The following VWA8 variants were observed in gnomAD, a reference collection of about 807,000 sequenced individuals.
VWA8 encodes von Willebrand factor A domain containing 8, also known as von Willebrand factor A domain-containing protein 8.
VWA8 carries 221 observed loss-of-function variants against 241.5 expected under a neutral mutation model. The observed-to-expected ratio is 0.91, with a 90% confidence interval of 0.82 to 1.02. The LOEUF (loss-of-function observed/expected upper bound fraction) is 1.02, where lower values mean the gene tolerates loss of function less well. Among genes scored for constraint, VWA8 ranks in the 50% least tolerant of loss-of-function variants. The probability of loss-of-function intolerance (pLI) is 0.00; values close to 1 mark genes in which losing one functional copy is unlikely to be tolerated. For synonymous variants in VWA8, 852 were observed against 827.1 expected (o/e 1.03, Z -0.52); for missense variants, 2,322 against 2,328.7 (o/e 1.00, Z 0.06).
chr13:41,842,544 T>C (rs1872105937), intron 12 of VWA8, among the ~76,000 whole-genome samples: 1 of 152,328 alleles, frequency 6.6e-6, no homozygotes, highest in South Asian at 2.1e-4. Flanking sequence ...ATGATCTGCT[T>C]TAGTTAAAGA....
intron 23 of VWA8, among the ~76,000 whole-genome samples, chr13:41,729,157 T>C (rs571563295): frequency 6.6e-6 from 1 of 152,048 alleles, no homozygotes; most frequent in Non-Finnish European, 1.5e-5. Context: ...TATACACACG[T>C]ATTCACCACA....
chr13:41,583,265 G>A (rs897965171), intron 42 of VWA8, among the ~76,000 whole-genome samples: 13 of 152,134 alleles, frequency 8.5e-5, no homozygotes, highest in Non-Finnish European at 1.8e-4. Context: ...ATGGAGAGAA[G>A]GCCTGTTAGG....
At chr13:41,608,351 C>T (rs1166295274) in intron 39 of VWA8, among the ~76,000 whole-genome samples, 2 of 152,118 alleles carry the variant, frequency 1.3e-5, no homozygotes, top group African/African-American at 2.4e-5. Context: ...ATTTTAGCCT[C>T]TGGATCAAAT....
chr13:41,853,649 T>C (rs1233312872), intron 12 of VWA8, among the ~76,000 whole-genome samples: 1 of 152,166 alleles, frequency 6.6e-6, no homozygotes. Flanking sequence ...TTTTAAGTTA[T>C]TCAGTTTGTT....
At chr13:41,632,800 A>G (rs1013923420) in intron 37 of VWA8, among the ~76,000 whole-genome samples, 7 of 152,196 alleles carry the variant, frequency 4.6e-5, no homozygotes, top group Non-Finnish European at 8.8e-5. Context: ...CCCAATAATA[A>G]CAATCTTCCT....
At chr13:41,830,905 G>T (rs1871424536) in intron 13 of VWA8, among the ~76,000 whole-genome samples, 1 of 152,032 alleles carries the variant, frequency 6.6e-6, no homozygotes, top group Non-Finnish European at 1.5e-5. Flanking sequence ...GAAAAGAGGA[G>T]GAGGAAGGAG....
intron 14 of VWA8, among the ~76,000 whole-genome samples, chr13:41,824,210 G>A (rs1477472911): frequency 6.6e-6 from 1 of 152,206 alleles, no homozygotes; most frequent in Non-Finnish European, 1.5e-5. Context: ...AATAGCAGAA[G>A]TTTGCTGTGC....
chr13:41,869,182 T>C (rs1401714865), intron 9 of VWA8, among the ~76,000 whole-genome samples: 1 of 152,194 alleles, frequency 6.6e-6, no homozygotes, highest in Non-Finnish European at 1.5e-5. Context: ...TCGAAGTTAA[T>C]GTGTTACCTG....
intron 38 of VWA8, 138 bp downstream of exon 38, chr13:41,614,838 A>G (rs2139662946): frequency 1.2e-6 from 1 of 843,626 alleles, no homozygotes; most frequent in East Asian, 2.7e-5. Context: ...GCAGAGGGCA[A>G]GACAACAATC....
intron 17 of VWA8, among the ~76,000 whole-genome samples, chr13:41,809,642 G>A (rs1304243647): frequency 6.6e-6 from 1 of 152,092 alleles, no homozygotes; most frequent in Non-Finnish European, 1.5e-5. Context: ...CTCAAACTAT[G>A]AAACTACTAA....
intron 2 of VWA8, among the ~76,000 whole-genome samples, chr13:41,930,203 G>A (rs932044221): frequency 6.6e-6 from 1 of 152,128 alleles, no homozygotes. Flanking sequence ...GTGTTAGCAC[G>A]GCTATTATCA....
At chr13:41,585,066 G>C (rs17594432) in intron 42 of VWA8, among the ~76,000 whole-genome samples, 25,215 of 151,276 alleles carry the variant, frequency 0.17, 2,243 homozygotes, top group South Asian at 0.27. Flanking sequence ...GTAACAGTTT[G>C]GTTTGTAACT....
intron 20 of VWA8, among the ~76,000 whole-genome samples, chr13:41,776,987 G>C (rs1422631586): frequency 6.6e-6 from 1 of 152,112 alleles, no homozygotes; most frequent in Non-Finnish European, 1.5e-5. Context: ...AACTTTAGAA[G>C]CTTTGTTACC....
chr13:41,925,078 C>T (rs1337237727), intron 2 of VWA8, among the ~76,000 whole-genome samples: 2 of 152,068 alleles, frequency 1.3e-5, no homozygotes, highest in South Asian at 2.1e-4. Context: ...CTGTAGAAAC[C>T]ATGCAGGCCA....
chr13:41,890,162 T>C (rs1021536503), intron 5 of VWA8, among the ~76,000 whole-genome samples: 3 of 152,272 alleles, frequency 2.0e-5, no homozygotes, highest in Non-Finnish European at 4.4e-5. Context: ...CTTCTGGCCC[T>C]GCCGGCCATG....
chr13:41,881,011 T>G (rs1490208819), intron 9 of VWA8, among the ~76,000 whole-genome samples: 1 of 152,184 alleles, frequency 6.6e-6, no homozygotes, highest in African/African-American at 2.4e-5. Flanking sequence ...TCCTTCTAGA[T>G]TCACAAGTAG....
At chr13:41,668,151 T>C (rs2137796468) in intron 37 of VWA8, among the ~76,000 whole-genome samples, 1 of 152,324 alleles carries the variant, frequency 6.6e-6, no homozygotes, top group South Asian at 2.1e-4. Flanking sequence ...TCCTTTGCTA[T>C]GATGCAGAGG....
In VWA8 at chr13:41,787,535, G is replaced by A. The variant is rs1869256372; in HGVS notation, c.2072C>T (p.Pro691Leu). ...TTCTAATGCTGACCTAGCAAGACTG[G>A]GTAAAAACCTGGAGGATGAAGAGGG... is the stretch of plus-strand genomic sequence containing the variant. ...VTKACLSRFL[P>L]SLARSALEKN... Residue 691 changes from proline to leucine, a missense_variant, in exon 18 of 45, where the codon CCC (proline) becomes CTC (leucine). Pro to Leu is a moderately conservative substitution (Grantham distance 98). Coordinates refer to ENST00000379310, the MANE Select transcript of VWA8 (RefSeq NM_015058.2). 6 of 1,604,098 alleles carry A rather than the reference G, an allele frequency of 3.7e-6. No homozygotes were observed. The highest frequency in any genetic ancestry group is 2.3e-5 in the East Asian group (1 of 44,232).
Position 41,679,141 on chromosome 13 carries a change from G to A in VWA8, c.4328-3845C>T, listed in dbSNP as rs554416497. ...TTCCATTACATTTATAATCCAGGTG[G>A]ATTTCAAAGATAGGTATAAGTTGTA... On this transcript the variant is annotated intron_variant, in intron 35 of 44. Transcript: ENST00000379310. 2.0e-5 allele frequency among the ~76,000 whole-genome samples: 3 copies of A among 152,220 alleles called. No homozygotes were observed. The South Asian group carries it at 6.2e-4, about 32-fold the overall frequency.
Sources: gnomAD v4.1 joint callset for allele counts (sites outside exome capture counted in the v4.1 genomes callset) on GRCh38, gnomAD v4.1.1 for gene constraint, MANE v1.5 for transcripts, NCBI Gene and HGNC (gene_info 2026-07-23, HGNC 2026-07-21) for gene names.